The following CCDC144A variants were observed in gnomAD, a reference collection of about 807,000 sequenced individuals.
The protein encoded by CCDC144A is coiled-coil domain-containing protein 144A.
In CCDC144A, 41 loss-of-function variants were observed where a neutral mutation model predicts 143.8. That is an observed-to-expected ratio of 0.29 (90% CI 0.22 to 0.37). CCDC144A has a LOEUF of 0.37. Among genes scored for constraint, CCDC144A ranks in the 10% least tolerant of loss-of-function variants. The pLI, the probability that CCDC144A is intolerant of heterozygous loss-of-function variation, is 1.00. For missense variants in CCDC144A, 637 were observed against 1,488.8 expected, an observed-to-expected ratio of 0.43 and a Z score of 9.41; for synonymous variants, 242 against 517.9, an observed-to-expected ratio of 0.47 and a Z score of 7.23.
In CCDC144A at chr17:16,763,971, T is replaced by C. The variant is rs577130705; in HGVS notation, c.3894T>C (p.Asn1298=). ...TCTTTTTCAATCTTCATAGAACTAA[T>C]GAGATGATAGCAGAGGTCAGTACGC... ...ESLSNELSRT[N]EMIAEVSTQL... Residue 1298 remains asparagine (N), a synonymous_variant, in exon 15 of 17, where the codon AAT becomes AAC. Coordinates refer to ENST00000399273, the MANE Select transcript of CCDC144A (RefSeq NM_001382000.1). 1 of 1,607,256 alleles carries C rather than the reference T, an allele frequency of 6.2e-7. No homozygotes were observed. Among genetic ancestry groups the C allele is most frequent in the East Asian group, 2.2e-5 (1 of 44,822 alleles).
intron 5 of CCDC144A, 153 bp from the exon 6 acceptor site, chr17:16,711,526 T>A: frequency 7.3e-6 from 5 of 689,324 alleles, no homozygotes; most frequent in Non-Finnish European, 1.2e-5. Flanking sequence ...TAGTTCCAGA[T>A]GTGATAAAAT....
chr17:16,715,875 A>C (rs1202168442), intron 6 of CCDC144A, among the ~76,000 whole-genome samples: 3 of 152,164 alleles, frequency 2.0e-5, no homozygotes, highest in Non-Finnish European at 4.4e-5. Context: ...TGTGGATTGG[A>C]GCGAGTTTGT....
intron 12 of CCDC144A, among the ~76,000 whole-genome samples, chr17:16,750,057 C>G (rs1914718374): frequency 6.6e-6 from 1 of 152,166 alleles, no homozygotes; most frequent in African/African-American, 2.4e-5. Context: ...ACTTGCCACT[C>G]TGTGCCTTTT....
chr17:16,692,114 C>G (rs1392747055), intron 1 of CCDC144A, among the ~76,000 whole-genome samples: 2 of 152,126 alleles, frequency 1.3e-5, no homozygotes, highest in Non-Finnish European at 2.9e-5. Context: ...AGAATGTCAA[C>G]TTGCATGTCT....
At chr17:16,767,939 T>C (rs1052423578) in intron 15 of CCDC144A, among the ~76,000 whole-genome samples, 2 of 152,216 alleles carry the variant, frequency 1.3e-5, no homozygotes, top group African/African-American at 2.4e-5. Flanking sequence ...TGCAGATGAA[T>C]TGGGAAGAGA....
chr17:16,694,922 G>A (rs1182817573), intron 2 of CCDC144A, among the ~76,000 whole-genome samples: 2 of 152,168 alleles, frequency 1.3e-5, no homozygotes, highest in Non-Finnish European at 2.9e-5. Context: ...CCCAACTCTA[G>A]GCTCAACAAA....
At chr17:16,686,976 G>A (rs1334066116), upstream of CCDC144A, among the ~76,000 whole-genome samples, 4 of 152,090 alleles carry the variant, frequency 2.6e-5, no homozygotes, top group Non-Finnish European at 4.4e-5. Flanking sequence ...GCTAGGCCAA[G>A]GGGTAGGGTT....
At chr17:16,728,181 G>A (rs1913524998) in intron 9 of CCDC144A, among the ~76,000 whole-genome samples, 1 of 152,102 alleles carries the variant, frequency 6.6e-6, no homozygotes, top group Admixed American at 6.6e-5. Flanking sequence ...GACTCCAGGT[G>A]CACATTCTCA....
intron 3 of CCDC144A, chr17:16,707,062 T>A (rs973923257): frequency 1.3e-5 from 2 of 159,240 alleles, no homozygotes; most frequent in African/African-American, 4.8e-5. Flanking sequence ...TGTACACCAA[T>A]AAAGGTGTCC....
Position 16,709,278 on chromosome 17 carries a change from C to T in CCDC144A, c.1221C>T (p.Asn407=), listed in dbSNP as rs1281417206. 1.2e-6 allele frequency: 2 copies of T among 1,611,544 alleles called. No individual in the cohort carries two copies. The highest frequency in any genetic ancestry group is 8.5e-7 in the Non-Finnish European group (1 of 1,179,670). Residue 407 remains asparagine, a synonymous_variant, in exon 5 of 17, where the codon AAC becomes AAT. Coordinates refer to ENST00000399273, the MANE Select transcript of CCDC144A (RefSeq NM_001382000.1). The stretch of plus-strand genomic sequence containing the variant: ...ATAAATTAGACTGCGACAATGATAA[C>T]AAACCAGGCATTGGACATATTTTTA... ...HENKLDCDND[N]KPGIGHIFST...
In CCDC144A at chr17:16,774,912, G is replaced by A. The variant is rs1915953236; in HGVS notation, c.*1279G>A. On this transcript the variant is annotated 3_prime_UTR_variant, in exon 17 of 17. Coordinates refer to ENST00000399273, the MANE Select transcript of CCDC144A (RefSeq NM_001382000.1). Reference sequence around the variant, plus strand: ...CTGTGTGTGTTGTTCCCCGCCATGTGTCCATGTGTTCTCATTATTCAGCTC... The same window carrying A: ...CTGTGTGTGTTGTTCCCCGCCATGTATCCATGTGTTCTCATTATTCAGCTC... 1 of 147,866 alleles carries A rather than the reference G, an allele frequency of 6.8e-6. No individual in the cohort carries two copies. The highest frequency in any genetic ancestry group is 2.6e-5 in the African/African-American group (1 of 38,146). The allele number at this position is 147,866 out of a possible 1,614,324, so 9.2% of individuals were successfully genotyped here. A position where few individuals can be genotyped will look rare whatever the true frequency, so the allele number is the denominator to read the frequency against.
intron 2 of CCDC144A, among the ~76,000 whole-genome samples, chr17:16,699,722 T>G (rs1487746969): frequency 2.0e-5 from 3 of 149,240 alleles, no homozygotes; most frequent in Non-Finnish European, 4.4e-5. Flanking sequence ...GAAAATTGAC[T>G]GTGATCTTAT....
At chr17:16,716,232 A>G (rs1222641655) in intron 6 of CCDC144A, among the ~76,000 whole-genome samples, 3 of 151,828 alleles carry the variant, frequency 2.0e-5, no homozygotes, top group Admixed American at 6.6e-5. Flanking sequence ...AAACAAGCAA[A>G]CAAACAAACA....
chr17:16,734,828 A>G lies in CCDC144A; in HGVS notation c.2557A>G (p.Ile853Val). 6.4e-7 allele frequency: 1 copy of G among 1,561,756 alleles called. No individual in the cohort carries two copies. Among genetic ancestry groups the G allele is most frequent in the Non-Finnish European group, 8.6e-7 (1 of 1,156,864 alleles). The change falls in exon 12 of 17, where the codon ATT becomes GTT. Residue 853 changes from isoleucine (I) to valine (V), a missense_variant. Physicochemically the swap from Ile to Val is conservative, Grantham distance 29. Coordinates refer to ENST00000399273, the MANE Select transcript of CCDC144A (RefSeq NM_001382000.1). ...KQKEKKYFED[I>V]EAVKEKNDNL... Reference sequence around the variant, plus strand: ...AAAGGAAAAGAAATATTTTGAGGACATTGAGGCTGTGAAAGAAAAGAATGA... The same window carrying G: ...AAAGGAAAAGAAATATTTTGAGGACGTTGAGGCTGTGAAAGAAAAGAATGA...
the CCDC144A span, among the ~76,000 whole-genome samples, chr17:16,675,540 TAA>T: frequency 6.9e-6 from 1 of 144,024 alleles, no homozygotes. Flanking sequence ...GAAAACAAAA[TAA>T]AAAAAAAAGG....
intron 6 of CCDC144A, among the ~76,000 whole-genome samples, chr17:16,718,352 GTGTT>G (rs1912892496): frequency 6.6e-6 from 1 of 151,886 alleles, no homozygotes; most frequent in African/African-American, 2.4e-5. Context: ...CTTTTAGAGT[GTGTT>G]TGTATGCTGC....
At chr17:16,763,280 A>G (rs1314774417) in intron 14 of CCDC144A, among the ~76,000 whole-genome samples, 2 of 151,790 alleles carry the variant, frequency 1.3e-5, no homozygotes, top group Non-Finnish European at 2.9e-5. Flanking sequence ...GTTCTCTTTG[A>G]TTTCAGCAGT....
upstream of CCDC144A, among the ~76,000 whole-genome samples, chr17:16,685,451 G>A (rs991312967): frequency 2.0e-5 from 3 of 151,430 alleles, no homozygotes; most frequent in African/African-American, 7.3e-5. Context: ...CGTGGTCTCG[G>A]CTCACTGCAA....
chr17:16,683,944 C>G, the CCDC144A span: 1 of 1,232,318 alleles, frequency 8.1e-7, no homozygotes, highest in East Asian at 2.3e-5. Context: ...TCCGCGTTTA[C>G]TGGGGGCCGG....
Sources: gnomAD v4.1 joint callset for allele counts (sites outside exome capture counted in the v4.1 genomes callset) on GRCh38, gnomAD v4.1.1 for gene constraint, MANE v1.5 for transcripts, NCBI Gene and HGNC (gene_info 2026-07-23, HGNC 2026-07-21) for gene names.